The following TAPBPL variants were observed in gnomAD, a reference collection of about 807,000 sequenced individuals.
TAPBPL encodes the protein tapasin-related protein.
Under a neutral mutation model 44.8 loss-of-function variants are expected in TAPBPL, and 32 were observed. The observed-to-expected ratio is 0.71, with a 90% CI of 0.54 to 0.96. The LOEUF is 0.96. Ranked by LOEUF, TAPBPL falls within the 40% of genes least tolerant of loss-of-function variation. The pLI is 0.00. For synonymous variants in TAPBPL, 230 were observed against 240.7 expected, an observed-to-expected ratio of 0.96 and a Z score of 0.41; for missense variants, 520 against 586.6, an observed-to-expected ratio of 0.89 and a Z score of 1.17.
chr12:6,469,589 G>A (rs74956629), downstream of TAPBPL, among the ~76,000 whole-genome samples: 1,961 of 152,300 alleles, frequency 0.013, 17 homozygotes, highest in Admixed American at 0.023. Flanking sequence ...AATATCTAGG[G>A]ATAATTACAA....
chr12:6,454,032 A>G (rs1408960393), intron 3 of TAPBPL, among the ~76,000 whole-genome samples: 1 of 151,906 alleles, frequency 6.6e-6, no homozygotes, highest in Non-Finnish European at 1.5e-5. Flanking sequence ...AAAAAAGAAA[A>G]GAAAAGAAAA....
downstream of TAPBPL, chr12:6,464,857 C>G (rs761483184): frequency 1.1e-5 from 17 of 1,613,780 alleles, no homozygotes; most frequent in East Asian, 2.2e-5. Flanking sequence ...CTTCCCACCT[C>G]TTCACCCCAC....
intron 6 of TAPBPL, among the ~76,000 whole-genome samples, chr12:6,461,827 A>G (rs1949871687): frequency 6.6e-6 from 1 of 152,232 alleles, no homozygotes; most frequent in Admixed American, 6.5e-5. Context: ...TCAGCATACC[A>G]AAACTGTACG....
chr12:6,457,706 T>A lies in TAPBPL; in HGVS notation c.866T>A (p.Leu289Gln). Residue 289 changes from leucine to glutamine, a missense_variant, in exon 4 of 7, where the codon CTG (leucine) becomes CAG (glutamine). Physicochemically the swap from Leu to Gln is moderately radical, Grantham distance 113. Coordinates refer to ENST00000266556, the MANE Select transcript of TAPBPL (RefSeq NM_018009.5). ...GTYICQITTS[L>Q]YRAQQIIQLN... ...TACATTTGCCAGATCACCACCTCTC[T>A]GTACCGAGCTCAGCAGATCATCCAG... 1.9e-6 allele frequency: 3 copies of A among 1,605,070 alleles called. No homozygotes were observed. The highest frequency in any genetic ancestry group is 2.6e-6 in the Non-Finnish European group (3 of 1,173,498).
At chr12:6,465,977 G>C, downstream of TAPBPL, 1 of 1,614,224 alleles carries the variant, frequency 6.2e-7, no homozygotes, top group Non-Finnish European at 8.5e-7. Context: ...CCTTGTCCAC[G>C]TTCACACGTA....
intron 5 of TAPBPL, 56 bp from the exon 6 acceptor site, chr12:6,460,799 C>T: frequency 6.4e-7 from 1 of 1,574,434 alleles, no homozygotes; most frequent in East Asian, 2.2e-5. Context: ...CAGGTGAGGG[C>T]TCAGCTCATG....
intron 4 of TAPBPL, 28 bp downstream of exon 4, chr12:6,457,772 G>C (rs1264796286): frequency 2.0e-6 from 3 of 1,534,432 alleles, no homozygotes; most frequent in East Asian, 2.3e-5. Flanking sequence ...TTATCCCAGG[G>C]AAGGGGATAT....
In TAPBPL at chr12:6,453,046, C is replaced by T. The variant is rs1489970290; in HGVS notation, c.65-21C>T. The T allele has an allele frequency of 1.3e-6, 2 of 1,554,092 alleles. No individual in the cohort carries two copies. Among genetic ancestry groups the T allele is most frequent in the Non-Finnish European group, 1.7e-6 (2 of 1,148,050 alleles). On this transcript the variant is annotated intron_variant, in intron 1 of 6. Transcript: ENST00000266556. The surrounding 1 kb of genome is among the most constrained non-coding windows in gnomAD (Gnocchi z 4.8). ...GTAGCTTTCTGGGGAAGGCGGTGCT[C>T]ACCCCAGCCTTTGTCTGCAGAGCCC...
At chr12:6,470,458 T>C (rs1945744599), downstream of TAPBPL, 1 of 1,608,598 alleles carries the variant, frequency 6.2e-7, no homozygotes, top group Non-Finnish European at 8.5e-7. Context: ...CCATTTTCCG[T>C]CCCGCAGAAT....
chr12:6,463,361 C>T, downstream of TAPBPL: 1 of 1,103,406 alleles, frequency 9.1e-7, no homozygotes, highest in Non-Finnish European at 1.1e-6. This position sits in a 1 kb window ranked among gnomAD's most constrained non-coding sequence, Gnocchi z 4.0. Flanking sequence ...GACTTCTCTG[C>T]ATCCTGAGGA....
downstream of TAPBPL, chr12:6,465,818 G>A: frequency 6.2e-7 from 1 of 1,612,456 alleles, no homozygotes; most frequent in Non-Finnish European, 8.5e-7. Context: ...AGGAAAAGAT[G>A]GAGGAGGGGA....
downstream of TAPBPL, chr12:6,464,675 A>G: frequency 1.4e-6 from 2 of 1,478,696 alleles, no homozygotes; most frequent in South Asian, 2.8e-5. Context: ...AGGAGGCGCC[A>G]TCTCCCTGCA....
downstream of TAPBPL, chr12:6,464,330 C>T (rs561376892): frequency 2.0e-5 from 31 of 1,548,816 alleles, no homozygotes; most frequent in South Asian, 3.6e-5. Context: ...ATGAACGCAA[C>T]GAAAAAGGAG....
In TAPBPL at chr12:6,453,865, AT is replaced by A; in HGVS notation, c.565+151del. ...AAACCCCGTCTCTACTAATACCAAA[AT>A]TAGCCGGGCATGGTGGCGGGTGCCT... On this transcript the variant is annotated intron_variant, in intron 3 of 6. Transcript: ENST00000266556. The surrounding 1 kb of genome is among the most constrained non-coding windows in gnomAD (Gnocchi z 4.8). 9.1e-7 allele frequency: 1 copy of A among 1,097,930 alleles called. No individual in the cohort carries two copies. Among genetic ancestry groups the A allele is most frequent in the Non-Finnish European group, 1.2e-6 (1 of 800,502 alleles). The allele number at this position is 1,097,930 out of a possible 1,614,324, so 68.0% of individuals were successfully genotyped here.
chr12:6,452,263 G>C lies in TAPBPL; in HGVS notation c.15G>C (p.Glu5Asp). The C allele has an allele frequency of 6.4e-7, 1 of 1,574,098 alleles. No homozygotes were observed. The highest frequency in any genetic ancestry group is 8.6e-7 in the Non-Finnish European group (1 of 1,160,276). MGTQ[E>D]GWCLLLCLAL... ...GAGCAGCCTCCATGGGCACACAGGA[G>C]GGCTGGTGCCTGCTGCTCTGCCTGG... The change falls in exon 1 of 7, where the codon GAG becomes GAC. Residue 5 changes from glutamate to aspartate, a missense_variant. By Grantham distance (45) the Glu-to-Asp change is conservative. Coordinates refer to ENST00000266556, the MANE Select transcript of TAPBPL (RefSeq NM_018009.5).
downstream of TAPBPL, among the ~76,000 whole-genome samples, chr12:6,468,053 G>A (rs1165581102): frequency 6.6e-6 from 1 of 152,222 alleles, no homozygotes; most frequent in Non-Finnish European, 1.5e-5. Flanking sequence ...AGTACAGAAG[G>A]GACATGTGGG....
At position 6,457,440 on chromosome 12, in the gene TAPBPL, G is replaced by A. The variant is rs755094176; in HGVS notation, c.600G>A (p.Leu200=). The A allele has an allele frequency of 1.2e-6, 2 of 1,614,162 alleles. No individual in the cohort carries two copies. Among genetic ancestry groups the A allele is most frequent in the Non-Finnish European group, 1.7e-6 (2 of 1,180,022 alleles). Reference sequence around the variant, plus strand: ...AGGTGATGACACAGACCCAATCCCTGAGCTTCCTGCTGGGGTCCTCAGCCT... The same window carrying A: ...AGGTGATGACACAGACCCAATCCCTAAGCTTCCTGCTGGGGTCCTCAGCCT... ...EFQVMTQTQS[L]SFLLGSSASL... is the part of the protein sequence containing the mutation. The change falls in exon 4 of 7, where the codon CTG becomes CTA. Residue 200 remains leucine (L), a synonymous_variant. Coordinates refer to ENST00000266556, the MANE Select transcript of TAPBPL (RefSeq NM_018009.5).
Position 6,453,696 on chromosome 12 carries a change from A to G in TAPBPL, c.545A>G (p.Gln182Arg). 2 of 1,609,720 alleles carry G rather than the reference A, an allele frequency of 1.2e-6. No individual in the cohort carries two copies. The highest frequency in any genetic ancestry group is 2.2e-5 in the South Asian group (2 of 90,906). ...HPTLNLPLSP[Q>R]GTVRTAVEFQ... ...ACGCTGAACTTGCCACTGAGCCCCC[A>G]GGGGACTGTGCGAACTGCAGGTAAG... Residue 182 changes from glutamine to arginine, a missense_variant, in exon 3 of 7, where the codon CAG becomes CGG. Physicochemically the swap from Gln to Arg is conservative, Grantham distance 43 (BLOSUM62 1). Transcript: ENST00000266556. The surrounding 1 kb of genome is among the most constrained non-coding windows in gnomAD (Gnocchi z 4.8).
rs750236251 is a variant in TAPBPL, at chr12:6,453,312, CCTGTGT to C, written c.295+17_295+22del. On this transcript the variant is annotated intron_variant, in intron 2 of 6. Coordinates refer to ENST00000266556, the MANE Select transcript of TAPBPL (RefSeq NM_018009.5). The surrounding 1 kb of genome is among the most constrained non-coding windows in gnomAD (Gnocchi z 4.8). ...TGAGGCCTCAGGTAAAAGCCTTCCA[CCTGTGT>C]CCTTGGTCCTCCCGGGCTCCCTCCA... 2 of 1,613,192 alleles carry C rather than the reference CCTGTGT, an allele frequency of 1.2e-6. No homozygotes were observed. The highest frequency in any genetic ancestry group is 4.5e-5 in the East Asian group (2 of 44,866).
Sources: allele counts gnomAD v4.1 joint callset (sites outside exome capture counted in the v4.1 genomes callset), GRCh38; gene constraint gnomAD v4.1.1; non-coding constraint Gnocchi (gnomAD v3.1); transcripts MANE v1.5; gene names NCBI Gene and HGNC (gene_info 2026-07-23, HGNC 2026-07-21).